Variants in SCEL observed in about 807,000 individuals in gnomAD.
SCEL encodes the protein sciellin.
SCEL carries 113 observed loss-of-function variants against 117.6 expected under a neutral mutation model. The observed-to-expected ratio is 0.96, with a 90% CI of 0.83 to 1.12. The LOEUF (loss-of-function observed/expected upper bound fraction) is 1.12. Ranked by LOEUF, SCEL falls within the 50% of genes most tolerant of loss-of-function variation. The pLI is 0.00. For synonymous variants in SCEL, 270 were observed against 256.2 expected (o/e 1.05, Z -0.51); for missense variants, 785 against 810.8 (o/e 0.97, Z 0.39).
chr13:77,551,793 A>G (rs1036876817), intron 1 of SCEL, among the ~76,000 whole-genome samples: 2 of 151,176 alleles, frequency 1.3e-5, no homozygotes, highest in African/African-American at 4.9e-5. Flanking sequence ...TGCTGCACCC[A>G]TTAACTCATC....
intron 3 of SCEL, among the ~76,000 whole-genome samples, chr13:77,557,772 C>T (rs149534970): frequency 9.5e-4 from 145 of 152,244 alleles, no homozygotes; most frequent in Middle Eastern, 6.8e-3. Flanking sequence ...CTATAAATCA[C>T]GGGACAGCTC....
At chr13:77,539,035 G>A (rs2083559396) in intron 1 of SCEL, among the ~76,000 whole-genome samples, 1 of 152,090 alleles carries the variant, frequency 6.6e-6, no homozygotes, top group African/African-American at 2.4e-5. Flanking sequence ...GTTCTCCCCA[G>A]GGTTCCCTCT....
chr13:77,613,916 A>G lies in SCEL; in HGVS notation c.1412A>G (p.His471Arg). 1 of 1,613,548 alleles carries G rather than the reference A, an allele frequency of 6.2e-7. No individual in the cohort carries two copies. The highest frequency in any genetic ancestry group is 8.5e-7 in the Non-Finnish European group (1 of 1,179,626). The change falls in exon 24 of 33, where the codon CAT (histidine) becomes CGT (arginine). Residue 471 changes from histidine to arginine, a missense_variant. Physicochemically the swap from His to Arg is conservative, Grantham distance 29. Coordinates refer to ENST00000349847, the MANE Select transcript of SCEL (RefSeq NM_144777.3). ...AGCAGTGAACAAGGTCTTGATGAAC[A>G]TATTAATGTCAGCCCCAAAGCTGTC... ...NKSSEQGLDE[H>R]INVSPKAVKN...
intron 1 of SCEL, among the ~76,000 whole-genome samples, chr13:77,539,545 T>TC (rs1357305107): frequency 1.3e-5 from 2 of 151,972 alleles, no homozygotes; most frequent in Admixed American, 1.3e-4. Flanking sequence ...AAAATAATTT[T>TC]TTTTTTTTTT....
intron 9 of SCEL, among the ~76,000 whole-genome samples, chr13:77,587,455 C>T (rs1924111): frequency 0.11 from 16,534 of 152,108 alleles, 1,032 homozygotes; most frequent in Non-Finnish European, 0.15. Flanking sequence ...TTTCTGTCTT[C>T]CTACTTTACT....
At chr13:77,641,668 T>C (rs567751952) in intron 31 of SCEL, among the ~76,000 whole-genome samples, 22 of 152,316 alleles carry the variant, frequency 1.4e-4, no homozygotes, top group African/African-American at 5.3e-4. Context: ...ATTAATCTAA[T>C]GTACAGTCAG....
chr13:77,591,683 A>G (rs955683646), intron 11 of SCEL, among the ~76,000 whole-genome samples: 1 of 152,198 alleles, frequency 6.6e-6, no homozygotes, highest in Non-Finnish European at 1.5e-5. Flanking sequence ...TGGTGTGAAC[A>G]AGGTAACAGG....
intron 24 of SCEL, 112 bp downstream of exon 24, chr13:77,614,067 T>C (rs1013798929): frequency 6.3e-5 from 57 of 911,920 alleles, no homozygotes; most frequent in Non-Finnish European, 9.8e-5. Context: ...CAAAATATCA[T>C]CACAGGTGGA....
At chr13:77,625,372 C>T (rs1250576428) in intron 27 of SCEL, among the ~76,000 whole-genome samples, 1 of 152,170 alleles carries the variant, frequency 6.6e-6, no homozygotes, top group Non-Finnish European at 1.5e-5. Flanking sequence ...AATCCCAAGA[C>T]TCTAGTCACT....
At chr13:77,566,069 G>A (rs142453249) in intron 5 of SCEL, among the ~76,000 whole-genome samples, 132 of 152,276 alleles carry the variant, frequency 8.7e-4, no homozygotes, top group African/African-American at 2.8e-3. Flanking sequence ...TGGAATGGTG[G>A]TTTAGAGTTC....
intron 1 of SCEL, among the ~76,000 whole-genome samples, chr13:77,549,789 C>T (rs112111421): frequency 1.5e-4 from 23 of 152,252 alleles, no homozygotes; most frequent in African/African-American, 3.9e-4. Context: ...GAATGATCCA[C>T]GGGTCACTCA....
Position 77,555,790 on chromosome 13 carries a change from TG to T in SCEL, c.-19-66del. 5 of 1,039,316 alleles carry T rather than the reference TG, an allele frequency of 4.8e-6. 1 individual carries two copies. The South Asian group carries it at 6.5e-5, about 13-fold the overall frequency. The allele number at this position is 1,039,316 out of a possible 1,614,324, so 64.4% of individuals were successfully genotyped here. A position where few individuals can be genotyped will look rare whatever the true frequency, so the allele number is the denominator to read the frequency against. ...GTCATTGAAAAGTGAATCTCAGTCATGAAACAGTCACTTACAGGTTCTCAGA... is the reference window on the plus strand; with the variant it reads ...GTCATTGAAAAGTGAATCTCAGTCATAAACAGTCACTTACAGGTTCTCAGA... On this transcript the variant is annotated intron_variant, in intron 1 of 32. Coordinates refer to ENST00000349847, the MANE Select transcript of SCEL (RefSeq NM_144777.3).
In SCEL at chr13:77,538,168, G is replaced by A. The variant is rs956578166; in HGVS notation, c.-20+2344G>A. The stretch of plus-strand genomic sequence containing the variant: ...GTCTCGCTCTTTTCCCCAGTCTGGA[G>A]TGCGATGGCACAATCTCGGGTTACT... On this transcript the variant is annotated intron_variant, in intron 1 of 32. Transcript: ENST00000349847. Among the ~76,000 whole-genome samples, 6 of 148,098 alleles carry A rather than the reference G, an allele frequency of 4.1e-5. No individual in the cohort carries two copies. The East Asian group carries it at 1.2e-3, about 30-fold the overall frequency.
intron 20 of SCEL, among the ~76,000 whole-genome samples, chr13:77,608,509 A>G (rs2088400235): frequency 6.6e-6 from 1 of 152,152 alleles, no homozygotes; most frequent in African/African-American, 2.4e-5. Context: ...CTGCGACAGG[A>G]GAATCGTTTG....
At chr13:77,635,523 T>G (rs1399145833) in intron 29 of SCEL, among the ~76,000 whole-genome samples, 3 of 152,174 alleles carry the variant, frequency 2.0e-5, no homozygotes, top group Non-Finnish European at 4.4e-5. Context: ...ATCAATACAT[T>G]TTGATTTTTA....
In SCEL at chr13:77,551,897, A is replaced by G. The variant is rs369183443; in HGVS notation, c.-19-3960A>G. Among the ~76,000 whole-genome samples, 42 of 121,240 alleles carry G rather than the reference A, an allele frequency of 3.5e-4. 1 individual carries two copies. The highest frequency in any genetic ancestry group is 2.6e-3 in the East Asian group (10 of 3,882). 79.5% of individuals were successfully genotyped at this position (121,240 alleles called of 152,430 possible). A position where few individuals can be genotyped will look rare whatever the true frequency, so the allele number is the denominator to read the frequency against. On this transcript the variant is annotated intron_variant, in intron 1 of 32. Coordinates refer to ENST00000349847, the MANE Select transcript of SCEL (RefSeq NM_144777.3). ...GTGTGATGTTCCCCTTCCTGTGTCCATGTGTTCTCATTGTTCAATTCCCAT... is the reference window on the plus strand; with the variant it reads ...GTGTGATGTTCCCCTTCCTGTGTCCGTGTGTTCTCATTGTTCAATTCCCAT...
chr13:77,644,401 TTC>T lies in SCEL; in HGVS notation c.*129_*130del. Reference sequence around the variant, plus strand: ...ATCAACTCTTGTACAAAATTAACAATTCTGTTATTGCATAAGTAATCTAATTG... The same window carrying T: ...ATCAACTCTTGTACAAAATTAACAATTGTTATTGCATAAGTAATCTAATTG... On this transcript the variant is annotated 3_prime_UTR_variant, in exon 33 of 33. Coordinates refer to ENST00000349847, the MANE Select transcript of SCEL (RefSeq NM_144777.3). 1.1e-6 allele frequency: 1 copy of T among 916,460 alleles called. No individual in the cohort carries two copies. The allele number at this position is 916,460 out of a possible 1,614,324, so 56.8% of individuals were successfully genotyped here. A position where few individuals can be genotyped will look rare whatever the true frequency, so the allele number is the denominator to read the frequency against.
chr13:77,605,763 T>G (rs9565358), intron 19 of SCEL, among the ~76,000 whole-genome samples: 55 of 152,142 alleles, frequency 3.6e-4, no homozygotes, highest in African/African-American at 1.3e-3. Flanking sequence ...TCCAAGCACT[T>G]TGGGAGGCCG....
chr13:77,613,964 T>C lies in SCEL; in HGVS notation c.1451+9T>C, dbSNP rs754852877. The C allele has an allele frequency of 3.0e-5, 48 of 1,609,246 alleles. 2 individuals are homozygous for C. In the Middle Eastern group the frequency reaches 1.3e-3, roughly 44 times the overall value. The stretch of plus-strand genomic sequence containing the variant: ...GTCAAAAACACTGATGGGTAAGAGA[T>C]GGATGTGATTTTTGTTGTGTTTCTC... On this transcript the variant is annotated intron_variant, in intron 24 of 32. Transcript: ENST00000349847.
Sources: allele counts gnomAD v4.1 joint callset (sites outside exome capture counted in the v4.1 genomes callset), GRCh38; gene constraint gnomAD v4.1.1; transcripts MANE v1.5; gene names NCBI Gene and HGNC (gene_info 2026-07-23, HGNC 2026-07-21).